TIMM23: variants seen among roughly 807,000 people sequenced by gnomAD.
The protein encoded by TIMM23 is translocase of inner mitochondrial membrane 23, also known as mitochondrial import inner membrane translocase subunit Tim23.
In TIMM23, 19 loss-of-function variants were observed where a neutral mutation model predicts 30.7. That is an observed-to-expected ratio of 0.62 (90% CI 0.43 to 0.91). The LOEUF (loss-of-function observed/expected upper bound fraction) is 0.91, where lower values mean the gene tolerates loss of function less well. TIMM23 is among the 40% of genes least tolerant of loss of function. The pLI is 0.00. For synonymous variants in TIMM23, 78 were observed against 98.5 expected (o/e 0.79, Z 1.23); for missense variants, 202 against 269.2 (o/e 0.75, Z 1.75).
At chr10:45,986,827 G>GTGTA (rs1554914853) in intron 5 of TIMM23, among the ~76,000 whole-genome samples, 2 of 145,028 alleles carry the variant, frequency 1.4e-5, no homozygotes, top group Non-Finnish European at 3.0e-5. Context: ...GTGTGTGTAT[G>GTGTA]TGTGTGTCTT....
chr10:46,003,664 T>G lies in TIMM23; in HGVS notation c.*346T>G, dbSNP rs1249055280. On this transcript the variant is annotated 3_prime_UTR_variant, in exon 7 of 7. Coordinates refer to ENST00000580018, the MANE Select transcript of TIMM23 (RefSeq NM_006327.4). ...TATATCACCAAGTCCATTCATTTAATGATCCAAAACTGTAATGTTGCACTG... is the reference window on the plus strand; with the variant it reads ...TATATCACCAAGTCCATTCATTTAAGGATCCAAAACTGTAATGTTGCACTG... The G allele has an allele frequency of 3.3e-5, 6 of 181,904 alleles. No homozygotes were observed. The highest frequency in any genetic ancestry group is 5.8e-5 in the Non-Finnish European group (5 of 86,652). 11.3% of individuals were successfully genotyped at this position (181,904 alleles called of 1,614,324 possible).
chr10:45,998,864 G>C (rs990792013), intron 6 of TIMM23, among the ~76,000 whole-genome samples: 1 of 131,196 alleles, frequency 7.6e-6, no homozygotes, highest in Non-Finnish European at 1.6e-5. Flanking sequence ...ACAGAGTCTT[G>C]CTGTATCGCC....
At chr10:45,974,198 C>A (rs1233493868) in intron 1 of TIMM23, among the ~76,000 whole-genome samples, 1 of 150,962 alleles carries the variant, frequency 6.6e-6, no homozygotes, top group Admixed American at 6.6e-5. Flanking sequence ...AGGACTCTTG[C>A]GCTCACAGAG....
chr10:45,998,281 A>G, intron 6 of TIMM23: 2 of 614,190 alleles, frequency 3.3e-6, no homozygotes, highest in Non-Finnish European at 4.1e-6. Flanking sequence ...AATCAACCCT[A>G]TATCCCACAA....
chr10:45,973,988 C>CT (rs1837584515), intron 1 of TIMM23, among the ~76,000 whole-genome samples: 1 of 152,060 alleles, frequency 6.6e-6, no homozygotes. Flanking sequence ...CTTAGTATCT[C>CT]TGAGTTTCAG....
At chr10:45,973,843 G>A (rs1423166719) in intron 1 of TIMM23, among the ~76,000 whole-genome samples, 175 of 151,578 alleles carry the variant, frequency 1.2e-3, no homozygotes, top group Non-Finnish European at 1.9e-3. Flanking sequence ...TGTGGAGATG[G>A]GGTCTCCCTG....
rs1448094247 is a variant in TIMM23 at position 45,992,443 on chromosome 10, C to T, written c.514+3596C>T. 8 of 455,884 alleles carry T rather than the reference C, an allele frequency of 1.8e-5. No homozygotes were observed. In the East Asian group the frequency reaches 2.8e-4, roughly 16 times the overall value. 28.2% of individuals were successfully genotyped at this position (455,884 alleles called of 1,614,324 possible). ...AACCCTGCATTAACATCTCAATATG[C>T]GTAGACTCTCCTTAGGAGAATTGTG... On this transcript the variant is annotated intron_variant, in intron 6 of 6. Coordinates refer to ENST00000580018, the MANE Select transcript of TIMM23 (RefSeq NM_006327.4).
At chr10:45,999,883 C>A (rs1406285933) in intron 6 of TIMM23, among the ~76,000 whole-genome samples, 2 of 152,120 alleles carry the variant, frequency 1.3e-5, no homozygotes, top group African/African-American at 2.4e-5. Flanking sequence ...TACCCCCAGG[C>A]GCGTATTCTC....
At chr10:45,980,474 A>AT (rs1158914554) in intron 2 of TIMM23, among the ~76,000 whole-genome samples, 83 of 149,018 alleles carry the variant, frequency 5.6e-4, no homozygotes, top group African/African-American at 1.6e-3. Flanking sequence ...ATCCTTATTG[A>AT]TTTTTTTTTT....
chr10:45,979,076 T>C lies in TIMM23; in HGVS notation c.166-3447T>C, dbSNP rs1219050715. On this transcript the variant is annotated intron_variant, in intron 2 of 6. Coordinates refer to ENST00000580018, the MANE Select transcript of TIMM23 (RefSeq NM_006327.4). ...TTCCATTTATATGGAATGTCCAGAATAGGCAAATATATGGACAAGAAAGTA... is the reference window on the plus strand; with the variant it reads ...TTCCATTTATATGGAATGTCCAGAACAGGCAAATATATGGACAAGAAAGTA... 2.6e-5 allele frequency among the ~76,000 whole-genome samples: 4 copies of C among 152,334 alleles called. No individual in the cohort carries two copies. In the East Asian group the frequency reaches 7.7e-4, roughly 29 times the overall value.
At chr10:45,989,835 GT>G (rs1838102885) in intron 6 of TIMM23, among the ~76,000 whole-genome samples, 1 of 152,154 alleles carries the variant, frequency 6.6e-6, no homozygotes, top group Admixed American at 6.5e-5. Context: ...AGTTTTACTA[GT>G]TTAGAAGCAT....
At chr10:45,998,238 T>A in intron 6 of TIMM23, 2 of 284,896 alleles carry the variant, frequency 7.0e-6, no homozygotes, top group Non-Finnish European at 1.1e-5. Flanking sequence ...TGCTTTAAAG[T>A]CATTGTCATT....
At position 45,974,295 on chromosome 10, in the gene TIMM23, T is replaced by G. The variant is rs61848842; in HGVS notation, c.107-1159T>G. 4.7e-3 allele frequency among the ~76,000 whole-genome samples: 723 copies of G among 152,238 alleles called. 5 individuals carry two copies. Among genetic ancestry groups the G allele is most frequent in the East Asian group, 0.019 (97 of 5,188 alleles). On this transcript the variant is annotated intron_variant, in intron 1 of 6. Transcript: ENST00000580018. ...GCTGTAAAGGGAATAAAGCAGAGTC[T>G]TGAGATTGTGATGGAAGCAGGATGC...
rs587707372 is a variant in TIMM23, at chr10:45,988,354, G to A, written c.404-383G>A. On this transcript the variant is annotated intron_variant, in intron 5 of 6. Coordinates refer to ENST00000580018, the MANE Select transcript of TIMM23 (RefSeq NM_006327.4). Reference sequence around the variant, plus strand: ...GGTCTTACAGCCTGCAATCAGACAAGGTAGGTCATAGAATTTCTTTATGGC... The same window carrying A: ...GGTCTTACAGCCTGCAATCAGACAAAGTAGGTCATAGAATTTCTTTATGGC... 2.0e-3 allele frequency among the ~76,000 whole-genome samples: 303 copies of A among 152,208 alleles called. 1 individual carries two copies. Among genetic ancestry groups the A allele is most frequent in the East Asian group, 7.0e-3 (36 of 5,176 alleles).
At chr10:45,996,983 A>G (rs1838358289) in intron 6 of TIMM23, among the ~76,000 whole-genome samples, 1 of 151,360 alleles carries the variant, frequency 6.6e-6, no homozygotes, top group Non-Finnish European at 1.5e-5. Context: ...AAAAAAAAAA[A>G]AAGATAGATT....
chr10:46,002,628 T>C (rs1228485969), intron 6 of TIMM23: 2 of 432,108 alleles, frequency 4.6e-6, no homozygotes, highest in East Asian at 3.1e-4. Flanking sequence ...GAAACGACTG[T>C]TCTAGTTGGA....
Position 45,972,595 on chromosome 10 carries a change from G to A in TIMM23, c.-30G>A. The A allele has an allele frequency of 6.3e-7, 1 of 1,591,872 alleles. No individual in the cohort carries two copies. The highest frequency in any genetic ancestry group is 8.6e-7 in the Non-Finnish European group (1 of 1,164,810). On this transcript the variant is annotated 5_prime_UTR_variant, in exon 1 of 7. Transcript: ENST00000580018. Reference sequence around the variant, plus strand: ...GCGGACCACCCAGGCTTGAGGCAGCGGCGGGAACCACTCGGTTTGCTGCGA... The same window carrying A: ...GCGGACCACCCAGGCTTGAGGCAGCAGCGGGAACCACTCGGTTTGCTGCGA...
At chr10:45,990,770 T>C (rs1381628856) in intron 6 of TIMM23, 1 of 393,040 alleles carries the variant, frequency 2.5e-6, no homozygotes, top group South Asian at 1.9e-5. Context: ...ATAATATTAT[T>C]ATCTTGATTT....
intron 6 of TIMM23, chr10:46,002,584 G>A (rs897119316): frequency 8.1e-6 from 6 of 741,966 alleles, no homozygotes; most frequent in Non-Finnish European, 9.9e-6. Flanking sequence ...TCCATTGACA[G>A]TGCTAGTGGA....
Sources: gnomAD v4.1 joint callset for allele counts (sites outside exome capture counted in the v4.1 genomes callset) on GRCh38, gnomAD v4.1.1 for gene constraint, MANE v1.5 for transcripts, NCBI Gene and HGNC (gene_info 2026-07-23, HGNC 2026-07-21) for gene names.